Variants in MTCH2 observed in about 807,000 individuals in gnomAD.
MTCH2 encodes the protein mitochondrial carrier homolog 2.
Under a neutral mutation model 50.6 loss-of-function variants are expected in MTCH2, and 25 were observed. That is an observed-to-expected ratio of 0.49 (90% confidence interval 0.36 to 0.69). MTCH2 has a LOEUF of 0.69. Among genes scored for constraint, MTCH2 ranks in the 30% least tolerant of loss-of-function variants. The pLI is 0.00. For missense variants in MTCH2, 273 were observed against 384.4 expected, an observed-to-expected ratio of 0.71 and a Z score of 2.42; for synonymous variants, 106 against 132.0, an observed-to-expected ratio of 0.80 and a Z score of 1.35.
chr11:47,620,104 AAAAC>A lies in MTCH2; in HGVS notation c.826-1189_826-1186del, dbSNP rs778720158. 1.3e-4 allele frequency among the ~76,000 whole-genome samples: 20 copies of A among 151,736 alleles called. 1 individual carries two copies. The highest frequency in any genetic ancestry group is 4.2e-4 in the South Asian group (2 of 4,790). On this transcript the variant is annotated intron_variant, in intron 12 of 12. Coordinates refer to ENST00000302503, the MANE Select transcript of MTCH2 (RefSeq NM_014342.4). ...ACAAAACAAAACAAAACAAAACAAA[AAAAC>A]AAACAAACAAAAAACAAAAAACAGG...
the MTCH2 span, among the ~76,000 whole-genome samples, chr11:47,607,434 T>C: frequency 6.6e-6 from 1 of 152,142 alleles, no homozygotes; most frequent in Non-Finnish European, 1.5e-5. Context: ...AGTCCAGCTC[T>C]GAGAAGAGTG....
At position 47,631,635 on chromosome 11, in the gene MTCH2, T is replaced by G; in HGVS notation, c.427+19A>C. 1 of 1,613,704 alleles carries G rather than the reference T, an allele frequency of 6.2e-7. No homozygotes were observed. Among genetic ancestry groups the G allele is most frequent in the Non-Finnish European group, 8.5e-7 (1 of 1,179,734 alleles). The stretch of plus-strand genomic sequence containing the variant: ...GATCAGGTTATAAAAGAAAGGTCAG[T>G]TGTCAACTGCAAACATACCATGGAA... On this transcript the variant is annotated intron_variant, in intron 6 of 12. Transcript: ENST00000302503.
the MTCH2 span, among the ~76,000 whole-genome samples, chr11:47,604,327 C>T: frequency 2.6e-5 from 4 of 151,754 alleles, no homozygotes; most frequent in African/African-American, 9.7e-5. Flanking sequence ...TTATTTTTAC[C>T]TCTCAAACTG....
intron 3 of MTCH2, among the ~76,000 whole-genome samples, chr11:47,636,131 A>G (rs931211058): frequency 1.0e-4 from 15 of 146,834 alleles, no homozygotes; most frequent in Non-Finnish European, 2.3e-4. Flanking sequence ...CCGTCTCAAG[A>G]AAAAAAAAAA....
At chr11:47,628,784 G>A (rs998470622) in intron 9 of MTCH2, among the ~76,000 whole-genome samples, 169 bp downstream of exon 9, 4 of 152,088 alleles carry the variant, frequency 2.6e-5, no homozygotes, top group Non-Finnish European at 4.4e-5. Flanking sequence ...CACCATGTTG[G>A]CCAGGCTGGT....
the MTCH2 span, among the ~76,000 whole-genome samples, chr11:47,610,293 C>G: frequency 6.6e-6 from 1 of 152,292 alleles, no homozygotes; most frequent in South Asian, 2.1e-4. Context: ...TTTACTAACG[C>G]CGTAACTTTG....
downstream of MTCH2, among the ~76,000 whole-genome samples, chr11:47,615,657 A>T (rs1399184254): frequency 6.7e-6 from 1 of 148,484 alleles, no homozygotes; most frequent in Admixed American, 6.7e-5. Context: ...TTTGAGACAG[A>T]GTTTCACTCT....
At chr11:47,641,899 T>C (rs1303131184) in intron 1 of MTCH2, among the ~76,000 whole-genome samples, 1 of 150,382 alleles carries the variant, frequency 6.6e-6, no homozygotes, top group Non-Finnish European at 1.5e-5. Flanking sequence ...AACAGTAGCA[T>C]AAAAAGAAAA....
rs377513631 is a variant in MTCH2 at position 47,627,431 on chromosome 11, T to C, written c.634-304A>G. On this transcript the variant is annotated intron_variant, in intron 9 of 12. Coordinates refer to ENST00000302503, the MANE Select transcript of MTCH2 (RefSeq NM_014342.4). ...TTGACCTCTCAAAGTGCTGAGATTATAGGCATAAGCCACTATGCCCAGCTA... is the reference window on the plus strand; with the variant it reads ...TTGACCTCTCAAAGTGCTGAGATTACAGGCATAAGCCACTATGCCCAGCTA... Among the ~76,000 whole-genome samples the C allele has an allele frequency of 3.4e-4, 51 of 151,248 alleles. No homozygotes were observed. The East Asian group carries it at 5.9e-3, about 17-fold the overall frequency.
chr11:47,633,255 G>T (rs926542054), intron 5 of MTCH2, among the ~76,000 whole-genome samples: 1 of 147,346 alleles, frequency 6.8e-6, no homozygotes, highest in African/African-American at 2.5e-5. Context: ...GACTACAGGC[G>T]CCTGCCACCA....
At position 47,635,579 on chromosome 11, in the gene MTCH2, A is replaced by G; in HGVS notation, c.280-8T>C. The G allele has an allele frequency of 6.2e-7, 1 of 1,611,408 alleles. No homozygotes were observed. The highest frequency in any genetic ancestry group is 8.5e-7 in the Non-Finnish European group (1 of 1,178,028). ...GTCACTCTCCTGGTAATGCTATAGA[A>G]AAAAAGAAAAAGGATGATTAGGGTT... On this transcript the variant is annotated splice_region_variant and splice_polypyrimidine_tract_variant and intron_variant, in intron 3 of 12. Transcript: ENST00000302503.
At chr11:47,619,006 G>T in intron 12 of MTCH2, 87 bp from the exon 13 acceptor site, 1 of 1,169,686 alleles carries the variant, frequency 8.5e-7, no homozygotes, top group Non-Finnish European at 1.3e-6. Context: ...CCAATTGGGA[G>T]ACGTGACTAA....
intron 1 of MTCH2, among the ~76,000 whole-genome samples, chr11:47,641,690 C>T (rs2153801425): frequency 6.6e-6 from 1 of 152,316 alleles, no homozygotes; most frequent in Middle Eastern, 3.4e-3. Flanking sequence ...TTTAAACTCG[C>T]TAAAACTCAG....
At chr11:47,622,882 A>G (rs2097294582) in intron 11 of MTCH2, 106 bp from the exon 12 acceptor site, 2 of 676,450 alleles carry the variant, frequency 3.0e-6, no homozygotes, top group Non-Finnish European at 4.8e-6. Context: ...ATTCCCTGAG[A>G]GATCATTTTA....
intron 11 of MTCH2, among the ~76,000 whole-genome samples, 190 bp downstream of exon 11, chr11:47,625,484 T>A (rs2153799028): frequency 6.6e-6 from 1 of 151,724 alleles, no homozygotes; most frequent in Non-Finnish European, 1.5e-5. Context: ...TGCTGCTGCA[T>A]AGGGCATACA....
chr11:47,622,845 T>A (rs2097294561), intron 11 of MTCH2, 69 bp from the exon 12 acceptor site: 1 of 976,314 alleles, frequency 1.0e-6, no homozygotes, highest in African/African-American at 2.1e-5. Context: ...TTGATAAACC[T>A]TGTCAAAATA....
At chr11:47,625,450 T>C (rs2097297162) in intron 11 of MTCH2, among the ~76,000 whole-genome samples, 1 of 150,480 alleles carries the variant, frequency 6.6e-6, no homozygotes, top group Non-Finnish European at 1.5e-5. Flanking sequence ...TAATAATAAT[T>C]AATAAATAAA....
At chr11:47,635,816 A>C (rs994776275) in intron 3 of MTCH2, among the ~76,000 whole-genome samples, 14 of 152,096 alleles carry the variant, frequency 9.2e-5, no homozygotes, top group African/African-American at 3.4e-4. Context: ...GCAAATGGTC[A>C]TGAAAACTCT....
At chr11:47,620,487 A>G (rs2097292326) in intron 12 of MTCH2, among the ~76,000 whole-genome samples, 1 of 151,832 alleles carries the variant, frequency 6.6e-6, no homozygotes, top group South Asian at 2.1e-4. Context: ...TCTCAAAAAC[A>G]AAACAAAACA....
Sources: allele counts gnomAD v4.1 joint callset (sites outside exome capture counted in the v4.1 genomes callset), GRCh38; gene constraint gnomAD v4.1.1; transcripts MANE v1.5; gene names NCBI Gene and HGNC (gene_info 2026-07-23, HGNC 2026-07-21).